Variants in MDGA2 observed in about 807,000 individuals in gnomAD.
MDGA2 encodes the protein MAM domain containing glycosylphosphatidylinositol anchor 2, also known as MAM domain-containing glycosylphosphatidylinositol anchor protein 2.
MDGA2 carries 40 observed loss-of-function variants against 117.8 expected under a neutral mutation model. The observed-to-expected ratio is 0.34, with a 90% CI of 0.26 to 0.44. MDGA2 has a LOEUF of 0.44. MDGA2 is among the 20% of genes least tolerant of loss of function. The pLI, the probability that MDGA2 is intolerant of heterozygous loss-of-function variation, is 1.00. For missense variants in MDGA2, 1,123 were observed against 1,250.6 expected (o/e 0.90, Z 1.54); for synonymous variants, 452 against 439.0 (o/e 1.03, Z -0.37).
rs149299734 is a variant in MDGA2, at chr14:47,219,600, C to G, written c.421-1405G>C. 2.4e-3 allele frequency among the ~76,000 whole-genome samples: 364 copies of G among 152,006 alleles called. 3 individuals are homozygous for G. The highest frequency in any genetic ancestry group is 7.9e-3 in the African/African-American group (328 of 41,526). ...AATTATCTGGTTAAAATTTACCTTA[C>G]TAACATATTTGCAAAATAATGCATA... On this transcript the variant is annotated intron_variant, in intron 2 of 16. Transcript: ENST00000399232.
intron 1 of MDGA2, among the ~76,000 whole-genome samples, chr14:47,437,733 C>A (rs1892926395): frequency 6.6e-6 from 1 of 152,138 alleles, no homozygotes; most frequent in Non-Finnish European, 1.5e-5. Context: ...TGCAGCTGAT[C>A]ATTTAAATTA....
chr14:46,925,925 CT>C (rs1001434455), intron 9 of MDGA2, among the ~76,000 whole-genome samples: 1 of 152,092 alleles, frequency 6.6e-6, no homozygotes. Flanking sequence ...GTTATAGATA[CT>C]TTAGAAACTA....
chr14:47,598,401 T>C (rs1212004909), intron 1 of MDGA2, among the ~76,000 whole-genome samples: 1 of 152,118 alleles, frequency 6.6e-6, no homozygotes, highest in Admixed American at 6.6e-5. Flanking sequence ...TTATTCACAA[T>C]AGCCAAATGT....
intron 8 of MDGA2, among the ~76,000 whole-genome samples, chr14:47,028,381 A>G (rs1566581584): frequency 6.6e-6 from 1 of 152,176 alleles, no homozygotes; most frequent in African/African-American, 2.4e-5. Context: ...AGAAAATAAC[A>G]GTTCAGTGTA....
chr14:47,274,785 T>C (rs1251533258), intron 2 of MDGA2, among the ~76,000 whole-genome samples: 1 of 152,160 alleles, frequency 6.6e-6, no homozygotes, highest in Non-Finnish European at 1.5e-5. Flanking sequence ...TGTCTCCTTG[T>C]AGGTTTAATT....
chr14:47,597,834 CCACACACACATACA>C (rs1275709657), intron 1 of MDGA2, among the ~76,000 whole-genome samples: 1 of 119,824 alleles, frequency 8.3e-6, no homozygotes, highest in African/African-American at 3.1e-5. Context: ...GAGACGCACA[CCACACACACATACA>C]CACACACACA....
At chr14:46,956,710 T>C (rs1003056873) in intron 9 of MDGA2, among the ~76,000 whole-genome samples, 2 of 152,178 alleles carry the variant, frequency 1.3e-5, no homozygotes, top group African/African-American at 4.8e-5. Context: ...GTATGTCTTA[T>C]TATTATTGAA....
At chr14:47,534,662 A>C (rs1213427505) in intron 1 of MDGA2, among the ~76,000 whole-genome samples, 1 of 152,156 alleles carries the variant, frequency 6.6e-6, no homozygotes, top group African/African-American at 2.4e-5. Flanking sequence ...TGTGGGGGTT[A>C]TAGTTTGAGA....
rs575217562 is a variant in MDGA2, at chr14:47,519,498, G to A, written c.280+155019C>T. On this transcript the variant is annotated intron_variant, in intron 1 of 16. Coordinates refer to ENST00000399232, the MANE Select transcript of MDGA2 (RefSeq NM_001113498.3). ...AATTACATTGTTACTCTATCTTAGA[G>A]AGTTTGAATTTACATGTAATGCTTA... Among the ~76,000 whole-genome samples the A allele has an allele frequency of 2.6e-5, 4 of 152,248 alleles. No individual in the cohort carries two copies. In the East Asian group the frequency reaches 5.8e-4, roughly 22 times the overall value.
chr14:47,225,957 A>T (rs899111830), intron 2 of MDGA2, among the ~76,000 whole-genome samples: 2 of 152,056 alleles, frequency 1.3e-5, no homozygotes, highest in African/African-American at 4.8e-5. Flanking sequence ...ATATTTCTGC[A>T]AGATATATGC....
intron 6 of MDGA2, among the ~76,000 whole-genome samples, chr14:47,083,745 TATC>T (rs1483965052): frequency 6.6e-6 from 1 of 151,970 alleles, no homozygotes; most frequent in Admixed American, 6.6e-5. Context: ...AAAATATATA[TATC>T]ATGCAAACAA....
chr14:47,262,301 G>A (rs1242687069), intron 2 of MDGA2, among the ~76,000 whole-genome samples: 1 of 152,108 alleles, frequency 6.6e-6, no homozygotes, highest in Non-Finnish European at 1.5e-5. Flanking sequence ...TAAAAGCATG[G>A]AATTTCAAAT....
intron 8 of MDGA2, among the ~76,000 whole-genome samples, chr14:47,001,609 TA>T (rs1329294191): frequency 1.3e-5 from 2 of 152,106 alleles, no homozygotes; most frequent in East Asian, 3.9e-4. Context: ...AATACAAAAA[TA>T]AAGTATTCCT....
chr14:46,989,435 A>C lies in MDGA2; in HGVS notation c.1820-31792T>G, dbSNP rs143152375. Among the ~76,000 whole-genome samples the C allele has an allele frequency of 5.2e-4, 79 of 152,230 alleles. 1 individual carries two copies. The Middle Eastern group carries it at 0.01, about 20-fold the overall frequency. ...CATTTAAACACAAAGTGGAAAGCTC[A>C]TAATTTTTCATCTTGGCAGGTGACA... is the stretch of plus-strand genomic sequence containing the variant. On this transcript the variant is annotated intron_variant, in intron 8 of 16. Transcript: ENST00000399232.
intron 2 of MDGA2, among the ~76,000 whole-genome samples, chr14:47,291,807 C>T (rs1888899488): frequency 6.6e-6 from 1 of 152,178 alleles, no homozygotes; most frequent in Admixed American, 6.5e-5. Context: ...TAAAGTTGAA[C>T]AATCATGTTA....
chr14:46,927,455 A>G (rs1475756824), intron 9 of MDGA2, among the ~76,000 whole-genome samples: 7 of 152,202 alleles, frequency 4.6e-5, no homozygotes, highest in Admixed American at 4.6e-4. Flanking sequence ...TTTTAAAACC[A>G]TATCTTGGAA....
At chr14:47,360,173 G>A (rs1047833438) in intron 1 of MDGA2, among the ~76,000 whole-genome samples, 1 of 151,880 alleles carries the variant, frequency 6.6e-6, no homozygotes, top group Non-Finnish European at 1.5e-5. Context: ...CCAACATGGA[G>A]AAACCCCATC....
chr14:47,079,320 T>G (rs1430437229), intron 6 of MDGA2, among the ~76,000 whole-genome samples: 1 of 152,210 alleles, frequency 6.6e-6, no homozygotes, highest in Non-Finnish European at 1.5e-5. Context: ...TGTCCTTGAT[T>G]CTAACATTTT....
intron 1 of MDGA2, among the ~76,000 whole-genome samples, chr14:47,553,647 A>T (rs1179980393): frequency 1.3e-5 from 2 of 152,186 alleles, no homozygotes; most frequent in East Asian, 3.8e-4. Flanking sequence ...GCATACATAC[A>T]AGTATGTGTA....
Sources: allele counts gnomAD v4.1 joint callset (sites outside exome capture counted in the v4.1 genomes callset), GRCh38; gene constraint gnomAD v4.1.1; transcripts MANE v1.5; gene names NCBI Gene and HGNC (gene_info 2026-07-23, HGNC 2026-07-21).